Variants in MGRN1 observed in about 807,000 individuals in gnomAD.
MGRN1 encodes the protein mahogunin ring finger 1.
MGRN1 carries 29 observed loss-of-function variants against 69.2 expected under a neutral mutation model. The ratio of observed to expected loss-of-function variants is 0.42; its 90% confidence interval spans 0.31 to 0.57. The LOEUF is 0.57. Among genes scored for constraint, MGRN1 ranks in the 20% least tolerant of loss-of-function variants. The probability of loss-of-function intolerance (pLI) is 0.15; values close to 1 mark genes in which losing one functional copy is unlikely to be tolerated. For synonymous variants in MGRN1, 470 were observed against 344.2 expected (o/e 1.37, Z -4.04); for missense variants, 998 against 796.2 (o/e 1.25, Z -3.05).
intron 1 of MGRN1, 91 bp from the exon 2 acceptor site, chr16:4,650,274 G>A (rs922863554): frequency 2.0e-6 from 2 of 1,005,176 alleles, no homozygotes; most frequent in African/African-American, 3.3e-5. Context: ...CTGCACTCCA[G>A]CCTGGGTGGA....
intron 8 of MGRN1, among the ~76,000 whole-genome samples, chr16:4,670,721 G>A (rs1156253950): frequency 6.6e-6 from 1 of 152,224 alleles, no homozygotes; most frequent in East Asian, 1.9e-4. Flanking sequence ...ACAAAAGAGA[G>A]GTGCAGCAAA....
chr16:4,676,209 C>A (rs951564103), intron 10 of MGRN1, among the ~76,000 whole-genome samples: 2 of 152,202 alleles, frequency 1.3e-5, no homozygotes, highest in African/African-American at 4.8e-5. Flanking sequence ...TGTGGCAGAT[C>A]CTGTAGCAGG....
chr16:4,688,249 C>T (rs2079378302), intron 16 of MGRN1: 1 of 985,822 alleles, frequency 1.0e-6, no homozygotes, highest in South Asian at 4.7e-5. Context: ...CCAGACCCAT[C>T]TGGGGACAGC....
chr16:4,665,814 C>G lies in MGRN1; in HGVS notation c.678+663C>G, dbSNP rs1348184747. Among the ~76,000 whole-genome samples the G allele has an allele frequency of 3.3e-5, 5 of 151,734 alleles. No individual in the cohort carries two copies. In the East Asian group the frequency reaches 9.7e-4, roughly 29 times the overall value. On this transcript the variant is annotated intron_variant, in intron 7 of 16. Transcript: ENST00000262370. The stretch of plus-strand genomic sequence containing the variant: ...CCTCCAAGTACCTGGGATTACAGGC[C>G]CATGCCACCATGCCTGGCCAATTTT...
At chr16:4,671,282 C>A in intron 8 of MGRN1, 109 bp from the exon 9 acceptor site, 2 of 1,053,716 alleles carry the variant, frequency 1.9e-6, no homozygotes, top group Non-Finnish European at 2.9e-6. Flanking sequence ...TGGACTGACC[C>A]CTGGTATGGA....
intron 5 of MGRN1, among the ~76,000 whole-genome samples, chr16:4,657,946 G>C (rs1421167407): frequency 6.6e-6 from 1 of 151,248 alleles, no homozygotes; most frequent in Non-Finnish European, 1.5e-5. Context: ...GTTTCACCGT[G>C]TTAGCCAGGA....
At chr16:4,663,114 A>T (rs138001269) in intron 5 of MGRN1, among the ~76,000 whole-genome samples, 2,287 of 152,230 alleles carry the variant, frequency 0.015, 31 homozygotes, top group Non-Finnish European at 0.023. Context: ...CCCAGGCTGG[A>T]GTGCAGTGGT....
intron 16 of MGRN1, among the ~76,000 whole-genome samples, chr16:4,685,822 C>A (rs999143758): frequency 1.3e-5 from 2 of 152,188 alleles, no homozygotes; most frequent in Non-Finnish European, 2.9e-5. Flanking sequence ...CGCTGCCTGG[C>A]GGGGTGGGCG....
intron 4 of MGRN1, among the ~76,000 whole-genome samples, chr16:4,655,415 C>G (rs188179992): frequency 3.9e-5 from 6 of 152,088 alleles, no homozygotes; most frequent in African/African-American, 7.2e-5. Context: ...ACAGTCCCCC[C>G]CTCTCAGGAC....
At chr16:4,634,985 G>C (rs926245785) in intron 1 of MGRN1, 3 of 152,256 alleles carry the variant, frequency 2.0e-5, no homozygotes, top group African/African-American at 7.2e-5. Context: ...CCGCGGAACA[G>C]ATGCTCTCTG....
At chr16:4,688,548 C>T in intron 16 of MGRN1, 1 of 1,265,544 alleles carries the variant, frequency 7.9e-7, no homozygotes, top group Non-Finnish European at 1.0e-6. Context: ...CTCGGGGCTG[C>T]AGATCTGCTG....
At chr16:4,652,102 G>A in intron 3 of MGRN1, 51 bp downstream of exon 3, 2 of 1,562,916 alleles carry the variant, frequency 1.3e-6, no homozygotes, top group South Asian at 2.2e-5. Context: ...GGCGCAGCCT[G>A]TGGTGGAGGT....
intron 10 of MGRN1, among the ~76,000 whole-genome samples, chr16:4,675,612 T>A (rs1001063577): frequency 1.3e-5 from 2 of 151,802 alleles, no homozygotes; most frequent in Non-Finnish European, 2.9e-5. Context: ...TTGGCTATAG[T>A]ACCAGTGACT....
chr16:4,676,678 G>A (rs892136919), intron 10 of MGRN1, among the ~76,000 whole-genome samples: 7 of 152,256 alleles, frequency 4.6e-5, no homozygotes, highest in Non-Finnish European at 8.8e-5. Context: ...TTGGTGGTTC[G>A]GTTTCCTGGC....
intron 13 of MGRN1, 52 bp downstream of exon 13, chr16:4,681,828 C>T (rs184462672): frequency 1.5e-5 from 23 of 1,533,968 alleles, no homozygotes; most frequent in East Asian, 1.2e-4. Context: ...GGCGCGCGTG[C>T]GGAGCGGGTG....
In MGRN1 at chr16:4,689,415, G is replaced by C. The variant is rs567377325; in HGVS notation, c.*507G>C. 1 of 153,820 alleles carries C rather than the reference G, an allele frequency of 6.5e-6. No homozygotes were observed. The highest frequency in any genetic ancestry group is 2.4e-5 in the African/African-American group (1 of 41,504). The allele number at this position is 153,820 out of a possible 1,614,324, so 9.5% of individuals were successfully genotyped here. On this transcript the variant is annotated 3_prime_UTR_variant, in exon 17 of 17. Coordinates refer to ENST00000262370, the MANE Select transcript of MGRN1 (RefSeq NM_015246.4). ...GTGTCACTGTGGCGGCCTGGCTGTC[G>C]CTGCTTTTTGTCCTCTGCCGTGTTT...
At chr16:4,625,408 C>G (rs1458784397) in intron 1 of MGRN1, among the ~76,000 whole-genome samples, 3 of 152,248 alleles carry the variant, frequency 2.0e-5, no homozygotes, top group Admixed American at 6.5e-5. Flanking sequence ...GCCTAGAAAA[C>G]TCTCATTGTC....
At chr16:4,641,975 T>C (rs1489392352) in intron 1 of MGRN1, among the ~76,000 whole-genome samples, 1 of 152,022 alleles carries the variant, frequency 6.6e-6, no homozygotes, top group East Asian at 1.9e-4. Context: ...GTGAGGTGTT[T>C]CCAGTTCTTC....
rs1253336844 is a variant in MGRN1 at position 4,690,550 on chromosome 16, TCA to T, written c.*1646_*1647del. ...CTCGTGCACAGGCACGCAGATGCGC[TCA>T]CACGTACACACACACAAATGCACGC... On this transcript the variant is annotated 3_prime_UTR_variant, in exon 17 of 17. Coordinates refer to ENST00000262370, the MANE Select transcript of MGRN1 (RefSeq NM_015246.4). The T allele has an allele frequency of 1.3e-5, 2 of 152,474 alleles. No individual in the cohort carries two copies. The highest frequency in any genetic ancestry group is 2.9e-5 in the Non-Finnish European group (2 of 68,234). The allele number at this position is 152,474 out of a possible 1,614,324, so 9.4% of individuals were successfully genotyped here.
Sources: gnomAD v4.1 joint callset for allele counts (sites outside exome capture counted in the v4.1 genomes callset) on GRCh38, gnomAD v4.1.1 for gene constraint, MANE v1.5 for transcripts, NCBI Gene and HGNC (gene_info 2026-07-23, HGNC 2026-07-21) for gene names.